The following RIPOR2 variants were observed in gnomAD, a reference collection of about 807,000 sequenced individuals.
RIPOR2 encodes the protein RHO family interacting cell polarization regulator 2.
A neutral mutation model predicts 114.5 loss-of-function variants in RIPOR2; 39 were observed. The observed-to-expected ratio is 0.34, with a 90% confidence interval of 0.26 to 0.44. RIPOR2 has a LOEUF of 0.44. RIPOR2 is among the 20% of genes least tolerant of loss of function. RIPOR2 has a pLI of 1.00. For synonymous variants in RIPOR2, 445 were observed against 484.4 expected (o/e 0.92, Z 1.07); for missense variants, 1,007 against 1,255.1 (o/e 0.80, Z 2.99).
At chr6:24,876,899 A>G in intron 1 of RIPOR2, 1 of 891,632 alleles carries the variant, frequency 1.1e-6, no homozygotes, top group Non-Finnish European at 1.3e-6. Context: ...ATGACCCTGC[A>G]ACTGTTAGGT....
intron 2 of RIPOR2, among the ~76,000 whole-genome samples, chr6:24,875,436 G>T (rs1197828234): frequency 3.9e-5 from 6 of 152,222 alleles, no homozygotes; most frequent in African/African-American, 1.4e-4. Flanking sequence ...GGAAGGAGGG[G>T]TAGTGAGAGG....
At chr6:24,914,695 A>G (rs572493246) in intron 1 of RIPOR2, among the ~76,000 whole-genome samples, 382 of 152,306 alleles carry the variant, frequency 2.5e-3, no homozygotes, top group Non-Finnish European at 4.7e-3. Context: ...TGAAGAACGG[A>G]CTCAGCCAAA....
chr6:24,865,561 T>A, intron 6 of RIPOR2, 111 bp from the exon 7 acceptor site: 3 of 875,942 alleles, frequency 3.4e-6, no homozygotes, highest in Non-Finnish European at 3.4e-6. Flanking sequence ...ACAAAGAGAA[T>A]CCTGTAGAAG....
intron 9 of RIPOR2, among the ~76,000 whole-genome samples, chr6:24,851,038 G>A (rs1762849582): frequency 6.6e-6 from 1 of 151,992 alleles, no homozygotes; most frequent in South Asian, 2.1e-4. Context: ...TGGGACTACA[G>A]GCATGTGCCA....
At chr6:24,840,835 G>T in intron 13 of RIPOR2, 1 of 1,496,812 alleles carries the variant, frequency 6.7e-7, no homozygotes, top group Non-Finnish European at 9.0e-7. Context: ...TTTAATTCTG[G>T]CTGGATACAA....
At chr6:24,915,354 CT>C (rs571125440) in intron 1 of RIPOR2, among the ~76,000 whole-genome samples, 16,063 of 132,734 alleles carry the variant, frequency 0.12, 1,627 homozygotes, top group African/African-American at 0.34. Context: ...TCTGTCTGTA[CT>C]TTTTTTTTTT....
intron 1 of RIPOR2, among the ~76,000 whole-genome samples, chr6:24,934,620 TA>T (rs1561790675): frequency 6.6e-6 from 1 of 152,236 alleles, no homozygotes; most frequent in South Asian, 2.1e-4. Context: ...CTGTTCCTTT[TA>T]AAAAATTACT....
intron 1 of RIPOR2, among the ~76,000 whole-genome samples, chr6:25,027,382 C>G (rs547970813): frequency 1.3e-5 from 2 of 152,296 alleles, no homozygotes; most frequent in South Asian, 4.2e-4. Flanking sequence ...AAACCCATCC[C>G]CAGGCTGCGA....
chr6:24,915,308 A>T (rs1002087383), intron 1 of RIPOR2, among the ~76,000 whole-genome samples: 2 of 151,334 alleles, frequency 1.3e-5, no homozygotes, highest in African/African-American at 2.4e-5. Context: ...ACGTCTATTG[A>T]ATTCTTCATT....
chr6:24,871,012 T>C (rs1765112178), intron 4 of RIPOR2, 123 bp from the exon 5 acceptor site: 2 of 563,288 alleles, frequency 3.6e-6, no homozygotes, highest in Non-Finnish European at 6.0e-6. Flanking sequence ...CCCTACAAAA[T>C]TCTACTGGAT....
At position 24,865,521 on chromosome 6, in the gene RIPOR2, T is replaced by C. The variant is rs891438684; in HGVS notation, c.502-71A>G. On this transcript the variant is annotated intron_variant, in intron 6 of 21. Transcript: ENST00000643898. ...AGAAAATACATAGATCATTGTTACA[T>C]GCTTAATTTACTTTATATTTCTGAC... 4 of 1,280,710 alleles carry C rather than the reference T, an allele frequency of 3.1e-6. No individual in the cohort carries two copies. The African/African-American group carries it at 6.0e-5, about 19-fold the overall frequency. The allele number at this position is 1,280,710 out of a possible 1,614,324, so 79.3% of individuals were successfully genotyped here. A position where few individuals can be genotyped will look rare whatever the true frequency, so the allele number is the denominator to read the frequency against.
chr6:25,012,768 G>A (rs919669615), intron 1 of RIPOR2, among the ~76,000 whole-genome samples: 1 of 152,156 alleles, frequency 6.6e-6, no homozygotes, highest in Non-Finnish European at 1.5e-5. Flanking sequence ...TGGGGACCGG[G>A]TTTCCTTTTG....
intron 1 of RIPOR2, among the ~76,000 whole-genome samples, chr6:24,903,212 T>C (rs1307511508): frequency 6.6e-6 from 1 of 152,180 alleles, no homozygotes; most frequent in Non-Finnish European, 1.5e-5. Flanking sequence ...CTCAGGATAG[T>C]CAGACTGCTT....
chr6:24,935,992 GC>G, upstream of RIPOR2: 1 of 935,144 alleles, frequency 1.1e-6, no homozygotes, highest in Non-Finnish European at 1.6e-6. Context: ...TCCTTGGGTT[GC>G]CCAAGCCCTC....
At chr6:24,878,181 G>A (rs1765987580) in intron 1 of RIPOR2, among the ~76,000 whole-genome samples, 1 of 152,202 alleles carries the variant, frequency 6.6e-6, no homozygotes, top group South Asian at 2.1e-4. Context: ...AGAGAAACTT[G>A]GGGTTCACTA....
Position 24,818,199 on chromosome 6 carries a change from G to C in RIPOR2, c.2952+343C>G, listed in dbSNP as rs145488099. Among the ~76,000 whole-genome samples, 726 of 152,088 alleles carry C rather than the reference G, an allele frequency of 4.8e-3. 3 individuals carry two copies. The highest frequency in any genetic ancestry group is 0.016 in the African/African-American group (669 of 41,514). On this transcript the variant is annotated intron_variant, in intron 20 of 21. Coordinates refer to ENST00000643898, the MANE Select transcript of RIPOR2 (RefSeq NM_001286445.3). ...GTTGATCTCAAACTCCTGACCTCAGGTGATCCACCGGCCTCGGCCTCCCAA... is the reference window on the plus strand; with the variant it reads ...GTTGATCTCAAACTCCTGACCTCAGCTGATCCACCGGCCTCGGCCTCCCAA...
At chr6:24,848,826 C>T (rs1180777337) in intron 11 of RIPOR2, among the ~76,000 whole-genome samples, 1 of 152,150 alleles carries the variant, frequency 6.6e-6, no homozygotes, top group African/African-American at 2.4e-5. Flanking sequence ...TAAATGAGAC[C>T]CTGAGCATGA....
chr6:24,914,963 A>T (rs1482336725), intron 1 of RIPOR2, among the ~76,000 whole-genome samples: 1 of 152,074 alleles, frequency 6.6e-6, no homozygotes, highest in Non-Finnish European at 1.5e-5. Flanking sequence ...CTATCACATA[A>T]TTTTTTCTGC....
chr6:24,943,931 T>C (rs906360180), intron 1 of RIPOR2, among the ~76,000 whole-genome samples: 1 of 152,188 alleles, frequency 6.6e-6, no homozygotes, highest in East Asian at 1.9e-4. Context: ...AGTCTTTTCC[T>C]TGGGGGTGTT....
Sources: allele counts gnomAD v4.1 joint callset (sites outside exome capture counted in the v4.1 genomes callset), GRCh38; gene constraint gnomAD v4.1.1; transcripts MANE v1.5; gene names NCBI Gene and HGNC (gene_info 2026-07-23, HGNC 2026-07-21).